CTNNA3: variants seen among roughly 807,000 people sequenced by gnomAD.
CTNNA3 encodes the protein catenin alpha-3.
In CTNNA3, 76 loss-of-function variants were observed where a neutral mutation model predicts 95.7. The ratio of observed to expected loss-of-function variants is 0.79; its 90% CI spans 0.66 to 0.96. The LOEUF (loss-of-function observed/expected upper bound fraction) is 0.96. Ranked by LOEUF, CTNNA3 falls within the 40% of genes least tolerant of loss-of-function variation. The pLI, the probability that CTNNA3 is intolerant of heterozygous loss-of-function variation, is 0.00. For missense variants in CTNNA3, 1,191 were observed against 1,089.8 expected (o/e 1.09, Z -1.31); for synonymous variants, 431 against 374.4 (o/e 1.15, Z -1.74).
chr10:66,656,579 G>A (rs1846081288), intron 9 of CTNNA3, among the ~76,000 whole-genome samples: 1 of 152,100 alleles, frequency 6.6e-6, no homozygotes, highest in Non-Finnish European at 1.5e-5. Context: ...TTCTAACACT[G>A]AAAGTCTGCC....
intron 5 of CTNNA3, among the ~76,000 whole-genome samples, chr10:67,423,953 T>C (rs1171227830): frequency 1.3e-5 from 2 of 152,186 alleles, no homozygotes; most frequent in African/African-American, 2.4e-5. Context: ...ATATTCTAAA[T>C]TTCAAACATA....
intron 5 of CTNNA3, among the ~76,000 whole-genome samples, chr10:67,520,751 A>T (rs1052249072): frequency 6.6e-6 from 1 of 152,208 alleles, no homozygotes; most frequent in African/African-American, 2.4e-5. Flanking sequence ...TGTCCATGTA[A>T]CATCTGTGAT....
chr10:66,184,580 T>G (rs1589665963), intron 13 of CTNNA3, among the ~76,000 whole-genome samples: 2 of 152,324 alleles, frequency 1.3e-5, no homozygotes, highest in East Asian at 3.9e-4. Context: ...CAACGTTAAC[T>G]CTATACTATA....
intron 12 of CTNNA3, among the ~76,000 whole-genome samples, chr10:66,371,670 T>A (rs920380325): frequency 6.6e-6 from 1 of 152,130 alleles, no homozygotes. Context: ...CTCCTGCTTC[T>A]CATCATCCCC....
intron 5 of CTNNA3, among the ~76,000 whole-genome samples, chr10:67,237,485 GA>G (rs1322718509): frequency 6.6e-6 from 1 of 151,386 alleles, no homozygotes; most frequent in Non-Finnish European, 1.5e-5. Context: ...CACCACCAAA[GA>G]ACTTACTCTA....
intron 13 of CTNNA3, among the ~76,000 whole-genome samples, chr10:66,213,522 T>C (rs2088309390): frequency 6.6e-6 from 1 of 152,194 alleles, no homozygotes; most frequent in Non-Finnish European, 1.5e-5. Flanking sequence ...CCAGTATATT[T>C]TCATTATATC....
chr10:66,133,195 G>C (rs2083199529), intron 13 of CTNNA3, among the ~76,000 whole-genome samples: 1 of 152,018 alleles, frequency 6.6e-6, no homozygotes, highest in South Asian at 2.1e-4. Flanking sequence ...AATACTACAA[G>C]ATACTTTTCT....
intron 9 of CTNNA3, among the ~76,000 whole-genome samples, chr10:66,644,689 TCTTGACACTGATATAACTC>T (rs1490958151): frequency 1.4e-5 from 2 of 139,456 alleles, no homozygotes; most frequent in Non-Finnish European, 3.1e-5. Flanking sequence ...ATTTTCAGGG[TCTTGACACTGATATAACTC>T]ACTGATCTTA....
At chr10:66,960,163 T>G (rs1043770491) in intron 7 of CTNNA3, among the ~76,000 whole-genome samples, 33 of 152,296 alleles carry the variant, frequency 2.2e-4, no homozygotes, top group African/African-American at 7.9e-4. Flanking sequence ...GCAGATAACT[T>G]TATTTTTCAT....
intron 1 of CTNNA3, among the ~76,000 whole-genome samples, chr10:67,760,548 T>C (rs999722942): frequency 2.6e-5 from 4 of 152,276 alleles, no homozygotes; most frequent in African/African-American, 7.2e-5. Context: ...TACCACACAC[T>C]TAGTCTATAT....
chr10:67,264,856 G>A (rs1263825004), intron 5 of CTNNA3, among the ~76,000 whole-genome samples: 1 of 152,140 alleles, frequency 6.6e-6, no homozygotes. Context: ...ACTGCATGAT[G>A]CCGTAATTCA....
intron 5 of CTNNA3, among the ~76,000 whole-genome samples, chr10:67,408,882 CAAAA>C (rs766212790): frequency 2.3e-4 from 22 of 97,214 alleles, no homozygotes; most frequent in East Asian, 1.2e-3. Flanking sequence ...CTTAAATTTA[CAAAA>C]AAAAAAAAAA....
intron 5 of CTNNA3, among the ~76,000 whole-genome samples, chr10:67,356,457 A>T (rs1842812612): frequency 6.6e-6 from 1 of 152,108 alleles, no homozygotes; most frequent in African/African-American, 2.4e-5. Flanking sequence ...TTATGATTTT[A>T]TCATTTGCAT....
intron 7 of CTNNA3, among the ~76,000 whole-genome samples, chr10:66,902,818 A>C (rs1239882542): frequency 6.6e-6 from 1 of 152,196 alleles, no homozygotes; most frequent in Non-Finnish European, 1.5e-5. Flanking sequence ...CCCTCCCAAG[A>C]CTAAACTAGG....
At chr10:66,330,223 C>A (rs1347317081) in intron 12 of CTNNA3, among the ~76,000 whole-genome samples, 1 of 149,752 alleles carries the variant, frequency 6.7e-6, no homozygotes, top group African/African-American at 2.4e-5. Flanking sequence ...CCCCCCCTCT[C>A]CCCACCCCAC....
chr10:67,186,723 A>T (rs1336943768), intron 6 of CTNNA3, among the ~76,000 whole-genome samples: 1 of 152,220 alleles, frequency 6.6e-6, no homozygotes, highest in Non-Finnish European at 1.5e-5. Context: ...CATGAAAGAC[A>T]ATCAATAGGA....
intron 7 of CTNNA3, among the ~76,000 whole-genome samples, chr10:66,889,246 A>G (rs1845163783): frequency 6.6e-6 from 1 of 152,230 alleles, no homozygotes; most frequent in African/African-American, 2.4e-5. Context: ...AATAGGTGGG[A>G]CACAGAAGAT....
intron 5 of CTNNA3, among the ~76,000 whole-genome samples, chr10:67,354,222 C>T (rs1842732753): frequency 6.6e-6 from 1 of 151,972 alleles, no homozygotes; most frequent in Admixed American, 6.6e-5. Flanking sequence ...AGCCAAGGGG[C>T]CTGGGAGATA....
Position 65,988,545 on chromosome 10 carries a change from G to C in CTNNA3, c.2265+147C>G, listed in dbSNP as rs575894632. On this transcript the variant is annotated intron_variant, in intron 16 of 17. Transcript: ENST00000433211. The stretch of plus-strand genomic sequence containing the variant: ...CTTCCTTATAATCGTCCATTACCTA[G>C]TGTATTAATAGAGCTATTAGAAATT... 3 of 543,262 alleles carry C rather than the reference G, an allele frequency of 5.5e-6. No homozygotes were observed. The South Asian group carries it at 8.6e-5, about 16-fold the overall frequency. 33.7% of individuals were successfully genotyped at this position (543,262 alleles called of 1,614,324 possible).
Sources: gnomAD v4.1 joint callset for allele counts (sites outside exome capture counted in the v4.1 genomes callset) on GRCh38, gnomAD v4.1.1 for gene constraint, MANE v1.5 for transcripts, NCBI Gene and HGNC (gene_info 2026-07-23, HGNC 2026-07-21) for gene names.